CCNB2: variants seen among roughly 807,000 people sequenced by gnomAD.
CCNB2 encodes G2/mitotic-specific cyclin-B2.
CCNB2 carries 39 observed loss-of-function variants against 51.1 expected under a neutral mutation model. The observed-to-expected ratio is 0.76, with a 90% CI of 0.59 to 1.00. The LOEUF (loss-of-function observed/expected upper bound fraction) is 1.00, where lower values mean the gene tolerates loss of function less well. Ranked by LOEUF, CCNB2 falls within the 50% of genes least tolerant of loss-of-function variation. The probability of loss-of-function intolerance (pLI) is 0.00; values close to 1 mark genes in which losing one functional copy is unlikely to be tolerated. For missense variants in CCNB2, 472 were observed against 470.3 expected, an observed-to-expected ratio of 1.00 and a Z score of -0.03; for synonymous variants, 174 against 165.5, an observed-to-expected ratio of 1.05 and a Z score of -0.40.
chr15:59,107,145 G>C (rs1376122558), intron 1 of CCNB2, among the ~76,000 whole-genome samples, 177 bp from the exon 2 acceptor site: 1 of 152,190 alleles, frequency 6.6e-6, no homozygotes, highest in Non-Finnish European at 1.5e-5. Flanking sequence ...CTAATTTAGA[G>C]TGATGTTATT....
chr15:59,116,650 C>T (rs2079279922), intron 5 of CCNB2, 40 bp from the exon 6 acceptor site: 1 of 1,412,156 alleles, frequency 7.1e-7, no homozygotes, highest in African/African-American at 1.4e-5. Context: ...CTTCACTCTT[C>T]TTGTTAGGTG....
In CCNB2 at chr15:59,124,864, T is replaced by C. The variant is rs28383563; in HGVS notation, c.1184T>C (p.Ile395Thr). ...GTCAAAGACCTTGCCTCCCCACTGA[T>C]AGGAAGGTCCTAGGCTGCCGTGGCC... Reference protein sequence around the residue: ...KAVKDLASPLIGRS With the variant: ...KAVKDLASPLTGRS Residue 395 changes from isoleucine (I) to threonine (T), a missense_variant, in exon 9 of 9, where the codon ATA becomes ACA. Transcript: ENST00000288207. 2.2e-3 allele frequency: 3,583 copies of C among 1,593,586 alleles called. 57 individuals carry two copies. In the African/African-American group the frequency reaches 0.04, roughly 18 times the overall value.
chr15:59,111,234 A>G (rs1352255957), intron 3 of CCNB2, among the ~76,000 whole-genome samples: 2 of 152,168 alleles, frequency 1.3e-5, no homozygotes, highest in African/African-American at 2.4e-5. Flanking sequence ...AGATCTCACT[A>G]TGTTGCCCAG....
intron 3 of CCNB2, 143 bp downstream of exon 3, chr15:59,107,813 G>GT: frequency 1.6e-6 from 1 of 641,060 alleles, no homozygotes; most frequent in South Asian, 1.9e-5. Flanking sequence ...TAGGAAATGA[G>GT]TATATACACC....
At chr15:59,122,025 G>A (rs764321340) in intron 7 of CCNB2, among the ~76,000 whole-genome samples, 11 of 149,756 alleles carry the variant, frequency 7.3e-5, no homozygotes, top group Non-Finnish European at 1.3e-4. Flanking sequence ...GGTTGAGGTG[G>A]GAGGATCACT....
intron 3 of CCNB2, among the ~76,000 whole-genome samples, chr15:59,110,742 G>A (rs1273571991): frequency 6.6e-6 from 1 of 152,226 alleles, no homozygotes; most frequent in South Asian, 2.1e-4. Context: ...ATCACAAAGT[G>A]CCCTGGCTGA....
chr15:59,117,276 C>A lies in CCNB2; in HGVS notation c.883C>A (p.Leu295Ile), dbSNP rs1394694184. The A allele has an allele frequency of 7.4e-6, 12 of 1,613,380 alleles. No homozygotes were observed. The African/African-American group carries it at 1.6e-4, about 22-fold the overall frequency. Residue 295 changes from leucine to isoleucine, a missense_variant, in exon 7 of 9, where the codon CTC (leucine) becomes ATC (isoleucine). By Grantham distance (5) the Leu-to-Ile change is conservative. Coordinates refer to ENST00000288207, the MANE Select transcript of CCNB2 (RefSeq NM_004701.4). ...TLAKYLMELTLIDYDMVHYHP... is the reference protein window; with the variant it reads ...TLAKYLMELTIIDYDMVHYHP... ...AGCCAAGTATTTGATGGAGCTGACT[C>A]TCATCGACTATGATATGGTGCATTA...
At chr15:59,112,580 C>CAG (rs1208977332) in intron 3 of CCNB2, among the ~76,000 whole-genome samples, 6 of 151,714 alleles carry the variant, frequency 4.0e-5, no homozygotes, top group Non-Finnish European at 8.8e-5. Flanking sequence ...CTTCTGACCT[C>CAG]GTGATCCACC....
At chr15:59,120,563 A>G (rs902412186) in intron 7 of CCNB2, among the ~76,000 whole-genome samples, 1 of 152,002 alleles carries the variant, frequency 6.6e-6, no homozygotes, top group African/African-American at 2.4e-5. Context: ...TATAGTGTAT[A>G]AAAAAAAGGA....
intron 8 of CCNB2, 33 bp downstream of exon 8, chr15:59,123,660 G>A (rs2079312720): frequency 8.1e-6 from 11 of 1,357,906 alleles, no homozygotes; most frequent in African/African-American, 3.2e-5. Flanking sequence ...GCTGTGGAAA[G>A]CTTTAGGTTC....
chr15:59,113,426 T>G (rs1165269369), intron 3 of CCNB2, among the ~76,000 whole-genome samples: 2 of 152,184 alleles, frequency 1.3e-5, no homozygotes, highest in African/African-American at 4.8e-5. Flanking sequence ...TTGAGGTGCC[T>G]TAGTGGGCAA....
chr15:59,118,933 T>C (rs920512574), intron 7 of CCNB2, among the ~76,000 whole-genome samples: 2 of 152,218 alleles, frequency 1.3e-5, no homozygotes, highest in Non-Finnish European at 2.9e-5. Context: ...ATGTATATTG[T>C]AGTTTACATT....
intron 8 of CCNB2, 60 bp downstream of exon 8, chr15:59,123,687 GTT>G (rs2079312929): frequency 2.4e-6 from 2 of 823,248 alleles, no homozygotes; most frequent in African/African-American, 2.1e-5. Flanking sequence ...TTGTGTGTAT[GTT>G]GGGCGGGGGG....
At chr15:59,108,642 A>G (rs141675479) in intron 3 of CCNB2, among the ~76,000 whole-genome samples, 2 of 152,338 alleles carry the variant, frequency 1.3e-5, no homozygotes, top group East Asian at 1.9e-4. Context: ...CATTTATGCA[A>G]TAAATGAACA....
intron 3 of CCNB2, among the ~76,000 whole-genome samples, chr15:59,114,073 G>A (rs1427020567): frequency 1.3e-5 from 2 of 152,176 alleles, no homozygotes; most frequent in African/African-American, 4.8e-5. Context: ...TGAAGTAAGG[G>A]AATTACCCAT....
chr15:59,114,926 T>C, intron 5 of CCNB2, 50 bp downstream of exon 5: 1 of 1,553,076 alleles, frequency 6.4e-7, no homozygotes, highest in Non-Finnish European at 8.8e-7. Flanking sequence ...GAACATTGCA[T>C]TTATGCTTGG....
At chr15:59,107,229 C>T (rs2140285091) in intron 1 of CCNB2, 93 bp from the exon 2 acceptor site, 2 of 1,192,738 alleles carry the variant, frequency 1.7e-6, no homozygotes, top group East Asian at 2.4e-5. Context: ...ACGTATTGTC[C>T]TTTCCCAAAG....
In CCNB2 at chr15:59,114,881, G is replaced by C. The variant is rs1351918848; in HGVS notation, c.597+5G>C. On this transcript the variant is annotated splice_donor_5th_base_variant and intron_variant, in intron 5 of 8. Coordinates refer to ENST00000288207, the MANE Select transcript of CCNB2 (RefSeq NM_004701.4). Reference sequence around the variant, plus strand: ...ATTATGGATCGATTTTTACAGGTAGGTGTGGCTTCAGGGACTTCACGCCAG... The same window carrying C: ...ATTATGGATCGATTTTTACAGGTAGCTGTGGCTTCAGGGACTTCACGCCAG... 1.6e-5 allele frequency: 26 copies of C among 1,609,728 alleles called. No homozygotes were observed. Among genetic ancestry groups the C allele is most frequent in the Non-Finnish European group, 2.2e-5 (26 of 1,176,724 alleles).
intron 7 of CCNB2, 65 bp downstream of exon 7, chr15:59,117,433 C>CT (rs2079283834): frequency 6.6e-7 from 1 of 1,511,084 alleles, no homozygotes. Context: ...TACAAAAGGC[C>CT]TTAGCATTTT....
Sources: allele counts gnomAD v4.1 joint callset (sites outside exome capture counted in the v4.1 genomes callset), GRCh38; gene constraint gnomAD v4.1.1; transcripts MANE v1.5; gene names NCBI Gene and HGNC (gene_info 2026-07-23, HGNC 2026-07-21).